Variants in ZNF384 observed in about 807,000 individuals in gnomAD.
The protein encoded by ZNF384 is CAG repeat protein 1.
Under a neutral mutation model 65.0 loss-of-function variants are expected in ZNF384, and 20 were observed. That is an observed-to-expected ratio of 0.31 (90% CI 0.22 to 0.45). The LOEUF (loss-of-function observed/expected upper bound fraction) is 0.45. Among genes scored for constraint, ZNF384 ranks in the 20% least tolerant of loss-of-function variants. The pLI is 1.00. For synonymous variants in ZNF384, 310 were observed against 303.9 expected (o/e 1.02, Z -0.21); for missense variants, 549 against 769.4 (o/e 0.71, Z 3.39).
chr12:6,670,662 A>T, intron 10 of ZNF384, 98 bp downstream of exon 10: 1 of 1,101,990 alleles, frequency 9.1e-7, no homozygotes. Flanking sequence ...ATAATGTTTG[A>T]GTGTAAAGGA....
At chr12:6,686,584 T>C (rs988066599) in intron 2 of ZNF384, among the ~76,000 whole-genome samples, 1 of 152,238 alleles carries the variant, frequency 6.6e-6, no homozygotes, top group Non-Finnish European at 1.5e-5. Flanking sequence ...CTAGGTCCTA[T>C]ATCAGTGGAT....
At chr12:6,681,204 G>A (rs1340516163) in intron 2 of ZNF384, among the ~76,000 whole-genome samples, 3 of 133,846 alleles carry the variant, frequency 2.2e-5, no homozygotes, top group Non-Finnish European at 4.7e-5. Context: ...AGAGTGAAAC[G>A]CCATCTCAAA....
intron 2 of ZNF384, among the ~76,000 whole-genome samples, chr12:6,682,935 G>C (rs1336568457): frequency 2.0e-5 from 3 of 152,192 alleles, no homozygotes; most frequent in Non-Finnish European, 4.4e-5. Context: ...TAACCTTCTA[G>C]TGGAAAGAAA....
In ZNF384 at chr12:6,667,921, CTGCTGCTGCTGCTGCTGCTGCTGCTGT is replaced by C. The variant is rs769096824; in HGVS notation, c.1593_1619del (p.Gln539_Gln547del). 6.2e-7 allele frequency: 1 copy of C among 1,605,794 alleles called. No homozygotes were observed. The highest frequency in any genetic ancestry group is 1.1e-5 in the South Asian group (1 of 90,758). On this transcript the variant is annotated inframe_deletion, in exon 12 of 12. Coordinates refer to ENST00000683879, the MANE Select transcript of ZNF384 (RefSeq NM_001385745.1). ...GTGGCTGTTGCTGCTGCTGCTGCTG[CTGCTGCTGCTGCTGCTGCTGCTGCTGT>C]GATGCCTGGGAGGCCTGGGCCTGGG...
Position 6,672,124 on chromosome 12 carries a change from A to C in ZNF384, c.1187+226T>G. On this transcript the variant is annotated intron_variant, in intron 9 of 11. Transcript: ENST00000683879. The surrounding 1 kb of genome is among the most constrained non-coding windows in gnomAD (Gnocchi z 4.4). ...TGTCTCCCATGGATCAGTGAATATCATATAGTCACTGCAGCTCCCCGACGT... is the reference window on the plus strand; with the variant it reads ...TGTCTCCCATGGATCAGTGAATATCCTATAGTCACTGCAGCTCCCCGACGT... 1.9e-6 allele frequency: 1 copy of C among 536,408 alleles called. No homozygotes were observed. Among genetic ancestry groups the C allele is most frequent in the Non-Finnish European group, 3.4e-6 (1 of 297,474 alleles). 33.2% of individuals were successfully genotyped at this position (536,408 alleles called of 1,614,324 possible).
chr12:6,668,722 A>AT (rs1950421995), intron 11 of ZNF384, among the ~76,000 whole-genome samples: 1 of 152,012 alleles, frequency 6.6e-6, no homozygotes, highest in Non-Finnish European at 1.5e-5. Context: ...AGAAAAAAAA[A>AT]AAAAAAAGAA....
Position 6,669,157 on chromosome 12 carries a change from G to A in ZNF384, c.1299C>T (p.Pro433=). Residue 433 remains proline, a synonymous_variant, in exon 11 of 12, where the codon CCC becomes CCT. Coordinates refer to ENST00000683879, the MANE Select transcript of ZNF384 (RefSeq NM_001385745.1). ...SHRRQHNKDK[P]FKCHNCHRAY... is the part of the protein sequence containing the mutation. The stretch of plus-strand genomic sequence containing the variant: ...CCCGATGACAGTTGTGGCACTTGAA[G>A]GGTTTATCTTTGTTGTGTTGCCGTC... 1.2e-6 allele frequency: 2 copies of A among 1,613,238 alleles called. No individual in the cohort carries two copies. The highest frequency in any genetic ancestry group is 2.2e-5 in the South Asian group (2 of 90,918).
Position 6,667,611 on chromosome 12 carries a change from C to A in ZNF384, c.*103G>T. 1 of 1,493,672 alleles carries A rather than the reference C, an allele frequency of 6.7e-7. No individual in the cohort carries two copies. The allele number at this position is 1,493,672 out of a possible 1,614,324, so 92.5% of individuals were successfully genotyped here. On this transcript the variant is annotated 3_prime_UTR_variant, in exon 12 of 12. Coordinates refer to ENST00000683879, the MANE Select transcript of ZNF384 (RefSeq NM_001385745.1). ...GTGACAGAGGCCCAAGGAGATGGAG[C>A]CAAGGCCTGTCAAGGAAGAAAAGGA...
chr12:6,683,725 T>C (rs1228520406), intron 2 of ZNF384, among the ~76,000 whole-genome samples: 2 of 143,496 alleles, frequency 1.4e-5, no homozygotes, highest in Non-Finnish European at 3.0e-5. Flanking sequence ...TGTGAAAACG[T>C]AGGAAGGAGG....
chr12:6,667,462 C>A lies in ZNF384; in HGVS notation c.*252G>T. 1 of 599,882 alleles carries A rather than the reference C, an allele frequency of 1.7e-6. No individual in the cohort carries two copies. The highest frequency in any genetic ancestry group is 2.9e-5 in the East Asian group (1 of 34,192). 37.2% of individuals were successfully genotyped at this position (599,882 alleles called of 1,614,324 possible). A position where few individuals can be genotyped will look rare whatever the true frequency, so the allele number is the denominator to read the frequency against. ...GAGCACCGACCCCCAGTTTTAGAAG[C>A]TTTGCTTGGGAGGGGAGGCTGCTGG... On this transcript the variant is annotated 3_prime_UTR_variant, in exon 12 of 12. Coordinates refer to ENST00000683879, the MANE Select transcript of ZNF384 (RefSeq NM_001385745.1).
rs575825701 is a variant in ZNF384, at chr12:6,678,039, C to T, written c.686+88G>A. 2.3e-6 allele frequency: 3 copies of T among 1,300,468 alleles called. No individual in the cohort carries two copies. Among genetic ancestry groups the T allele is most frequent in the Non-Finnish European group, 3.2e-6 (3 of 932,696 alleles). 80.6% of individuals were successfully genotyped at this position (1,300,468 alleles called of 1,614,324 possible). Reference sequence around the variant, plus strand: ...CTGGGAAGCTGTCAGAGTGTAGCGCCTGACCGGGGCAGAACACAATGAGGG... The same window carrying T: ...CTGGGAAGCTGTCAGAGTGTAGCGCTTGACCGGGGCAGAACACAATGAGGG... On this transcript the variant is annotated intron_variant, in intron 6 of 11. Coordinates refer to ENST00000683879, the MANE Select transcript of ZNF384 (RefSeq NM_001385745.1). This position sits in a 1 kb window ranked among gnomAD's most constrained non-coding sequence, Gnocchi z 4.9.
chr12:6,683,793 T>A (rs1243618667), intron 2 of ZNF384, among the ~76,000 whole-genome samples: 1 of 151,556 alleles, frequency 6.6e-6, no homozygotes, highest in Non-Finnish European at 1.5e-5. Context: ...CCAAGGCAGG[T>A]GGATCACAAG....
At chr12:6,670,610 A>G in intron 10 of ZNF384, 150 bp downstream of exon 10, 1 of 668,838 alleles carries the variant, frequency 1.5e-6, no homozygotes, top group East Asian at 2.6e-5. Context: ...GTCTATGTAG[A>G]CAGCTATTAC....
At chr12:6,686,523 A>C (rs1249710216) in intron 2 of ZNF384, among the ~76,000 whole-genome samples, 1 of 152,172 alleles carries the variant, frequency 6.6e-6, no homozygotes. Context: ...CAAAGTGCTG[A>C]GATTACAGGC....
At position 6,672,432 on chromosome 12, in the gene ZNF384, T is replaced by C. The variant is rs1320514688; in HGVS notation, c.1105A>G (p.Ile369Val). 6.2e-7 allele frequency: 1 copy of C among 1,614,166 alleles called. No individual in the cohort carries two copies. The highest frequency in any genetic ancestry group is 8.5e-7 in the Non-Finnish European group (1 of 1,180,002). The change falls in exon 9 of 12, where the codon ATC becomes GTC. Residue 369 changes from isoleucine to valine, a missense_variant. Transcript: ENST00000683879. This position sits in a 1 kb window ranked among gnomAD's most constrained non-coding sequence, Gnocchi z 4.4. ...TTGTAGGGCTTGGCCCCCGAGTGGA[T>C]ACGGAGGTGCTGGGCCAGGTAGGAG... is the stretch of plus-strand genomic sequence containing the variant. ...NTSYLAQHLR[I>V]HSGAKPYNCS...
At chr12:6,668,392 T>C (rs974164120) in intron 11 of ZNF384, among the ~76,000 whole-genome samples, 4 of 152,100 alleles carry the variant, frequency 2.6e-5, no homozygotes, top group Non-Finnish European at 2.9e-5. Context: ...TACAACCTTT[T>C]CTGGAGTCTC....
chr12:6,672,352 T>G lies in ZNF384; in HGVS notation c.1185A>C (p.Thr395=). Residue 395 remains threonine, a splice_region_variant and synonymous_variant, in exon 9 of 12, where the codon ACA becomes ACC. Transcript: ENST00000683879. The surrounding 1 kb of genome is among the most constrained non-coding windows in gnomAD (Gnocchi z 4.4). ...FRQLSHLQQH[T]RIHTGDRPYK... is the part of the protein sequence containing the mutation. ...AGTAGCCCGCCACTCTCCCTTACCG[T>G]GTGTGCTGCTGGAGGTGGGAGAGCT... The G allele has an allele frequency of 6.2e-7, 1 of 1,613,370 alleles. No individual in the cohort carries two copies. Among genetic ancestry groups the G allele is most frequent in the South Asian group, 1.1e-5 (1 of 91,034 alleles).
chr12:6,689,015 C>T (rs1057452885), intron 1 of ZNF384, 83 bp downstream of exon 1: 1 of 152,282 alleles, frequency 6.6e-6, no homozygotes, highest in Non-Finnish European at 1.5e-5. Context: ...GTGGACCCCC[C>T]CTTCCCCGCC....
At chr12:6,668,895 A>G in intron 11 of ZNF384, 136 bp downstream of exon 11, 1 of 882,566 alleles carries the variant, frequency 1.1e-6, no homozygotes, top group South Asian at 2.3e-5. Context: ...TAATTTCTGA[A>G]TATTTACCTG....
Sources: gnomAD v4.1 joint callset for allele counts (sites outside exome capture counted in the v4.1 genomes callset) on GRCh38, gnomAD v4.1.1 for gene constraint, Gnocchi (gnomAD v3.1) non-coding constraint, MANE v1.5 for transcripts, NCBI Gene and HGNC (gene_info 2026-07-23, HGNC 2026-07-21) for gene names.